CLTB: variants seen among roughly 807,000 people sequenced by gnomAD.
The protein encoded by CLTB is clathrin, light chain (Lcb).
Under a neutral mutation model 30.5 loss-of-function variants are expected in CLTB, and 10 were observed. The ratio of observed to expected loss-of-function variants is 0.33; its 90% CI spans 0.20 to 0.56. The LOEUF (loss-of-function observed/expected upper bound fraction) is 0.56, where lower values mean the gene tolerates loss of function less well. CLTB is among the 20% of genes least tolerant of loss of function. The pLI, the probability that CLTB is intolerant of heterozygous loss-of-function variation, is 0.91. For missense variants in CLTB, 261 were observed against 308.3 expected, an observed-to-expected ratio of 0.85 and a Z score of 1.15; for synonymous variants, 102 against 120.3, an observed-to-expected ratio of 0.85 and a Z score of 1.00.
rs1266056358 is a variant in CLTB, at chr5:176,392,912, C to T, written c.552G>A (p.Lys184=). The T allele has an allele frequency of 6.2e-7, 1 of 1,614,134 alleles. No individual in the cohort carries two copies. The highest frequency in any genetic ancestry group is 1.1e-5 in the South Asian group (1 of 91,086). The change falls in exon 6 of 6, where the codon AAG becomes AAA. Residue 184 remains lysine, a synonymous_variant. Coordinates refer to ENST00000310418, the MANE Select transcript of CLTB (RefSeq NM_007097.5). The surrounding 1 kb of genome is among the most constrained non-coding windows in gnomAD (Gnocchi z 5.2). ...CCCACTCTGTGCCTGGGGTCTCCTCCTTGGATTCCTTCACGAAAGCCTCCT... is the reference window on the plus strand; with the variant it reads ...CCCACTCTGTGCCTGGGGTCTCCTCTTTGGATTCCTTCACGAAAGCCTCCT... ...ASEEAFVKES[K]EETPGTEWEK...
In CLTB at chr5:176,392,975, A is replaced by G; in HGVS notation, c.519-30T>C. The G allele has an allele frequency of 1.2e-6, 2 of 1,613,358 alleles. No individual in the cohort carries two copies. The highest frequency in any genetic ancestry group is 8.5e-7 in the Non-Finnish European group (1 of 1,179,508). ...GGGTGGAGATAGGACGGGCTTTTAT[A>G]GCAGTCTGCTTTCCCCCAGCCTTGC... On this transcript the variant is annotated intron_variant, in intron 5 of 5. Transcript: ENST00000310418. The surrounding 1 kb of genome is among the most constrained non-coding windows in gnomAD (Gnocchi z 5.2).
At chr5:176,403,516 G>A (rs1429850601) in intron 2 of CLTB, among the ~76,000 whole-genome samples, 1 of 150,962 alleles carries the variant, frequency 6.6e-6, no homozygotes, top group Non-Finnish European at 1.5e-5. Flanking sequence ...GTGCAGTGAC[G>A]TGATCTCGGC....
chr5:176,405,504 A>G (rs947193212), intron 2 of CLTB: 18 of 149,628 alleles, frequency 1.2e-4, no homozygotes, highest in African/African-American at 2.5e-4. Context: ...AAAAAAAAAA[A>G]AAAAGAAAAA....
intron 2 of CLTB, among the ~76,000 whole-genome samples, chr5:176,403,557 C>T (rs1175797829): frequency 1.3e-5 from 2 of 151,152 alleles, no homozygotes; most frequent in African/African-American, 4.9e-5. Flanking sequence ...CGGGTTCAAG[C>T]AATTCTCCTC....
chr5:176,392,816 G>T lies in CLTB; in HGVS notation c.648C>A (p.Arg216=). The part of the protein sequence containing the change: ...SKQCKDVSRL[R]SVLMSLKQTP... ...TCTGCTTCAGGGACATGAGCACCGA[G>T]CGCAGGCGGGACACATCTTTGCACT... Residue 216 remains arginine, a synonymous_variant, in exon 6 of 6, where the codon CGC becomes CGA. Coordinates refer to ENST00000310418, the MANE Select transcript of CLTB (RefSeq NM_007097.5). This position sits in a 1 kb window ranked among gnomAD's most constrained non-coding sequence, Gnocchi z 5.2. 6.2e-7 allele frequency: 1 copy of T among 1,614,256 alleles called. No homozygotes were observed. Among genetic ancestry groups the T allele is most frequent in the South Asian group, 1.1e-5 (1 of 91,086 alleles).
intron 1 of CLTB, among the ~76,000 whole-genome samples, chr5:176,411,071 G>A (rs960343487): frequency 6.6e-6 from 1 of 152,234 alleles, no homozygotes; most frequent in African/African-American, 2.4e-5. Context: ...AAACACCTGG[G>A]AAGACATAAC....
intron 5 of CLTB, among the ~76,000 whole-genome samples, chr5:176,394,970 T>C (rs1356574372): frequency 2.0e-5 from 3 of 152,242 alleles, no homozygotes; most frequent in East Asian, 3.9e-4. Flanking sequence ...CATCCCTTGC[T>C]GGAAGCCTCC....
chr5:176,412,174 C>CAAA (rs546824950), intron 1 of CLTB, among the ~76,000 whole-genome samples: 4 of 82,376 alleles, frequency 4.9e-5, no homozygotes, highest in Admixed American at 1.3e-4. Flanking sequence ...AGACTCATCT[C>CAAA]AAAAAAAAAA....
chr5:176,411,759 T>G (rs1757434968), intron 1 of CLTB, among the ~76,000 whole-genome samples: 1 of 152,176 alleles, frequency 6.6e-6, no homozygotes, highest in African/African-American at 2.4e-5. Flanking sequence ...CTCTACAATC[T>G]GGCCCTGCCC....
intron 2 of CLTB, chr5:176,401,870 T>C: frequency 2.3e-6 from 1 of 429,672 alleles, no homozygotes; most frequent in South Asian, 1.7e-5. Flanking sequence ...GTCATCACAA[T>C]CTCTAAAACT....
In CLTB at chr5:176,416,321, C is replaced by T; in HGVS notation, c.43G>A (p.Ala15Thr). ...FGFFSSSESG[A>T]PEAAEEDPAA... ...GGGTCCTCCTCCGCCGCCTCCGGGG[C>T]ACCGCTCTCCGACGACGAGAAGAAG... Residue 15 changes from alanine to threonine, a missense_variant, in exon 1 of 6, where the codon GCC becomes ACC. This residue lies in a region of CLTB where 113 missense variants were observed against 102.5 expected (regional missense o/e 1.10). Transcript: ENST00000310418. 1.2e-6 allele frequency: 2 copies of T among 1,602,926 alleles called. No homozygotes were observed. The highest frequency in any genetic ancestry group is 1.7e-6 in the Non-Finnish European group (2 of 1,176,390).
chr5:176,398,101 T>G, intron 2 of CLTB, 54 bp from the exon 3 acceptor site: 1 of 1,528,410 alleles, frequency 6.5e-7, no homozygotes, highest in Non-Finnish European at 9.1e-7. Context: ...CCCCGCTGTC[T>G]CTGCTGCCCC....
chr5:176,406,482 A>G, intron 2 of CLTB: 1 of 1,198,150 alleles, frequency 8.3e-7, no homozygotes, highest in Non-Finnish European at 1.1e-6. Context: ...AGCTAAATCT[A>G]AGCTAAGCTG....
chr5:176,407,757 C>A (rs1267646656), intron 2 of CLTB, among the ~76,000 whole-genome samples: 3 of 152,194 alleles, frequency 2.0e-5, no homozygotes, highest in African/African-American at 7.2e-5. Context: ...AGAAGCAAAT[C>A]CTCATTCTTT....
intron 2 of CLTB, among the ~76,000 whole-genome samples, chr5:176,400,166 C>A (rs1345540668): frequency 6.7e-6 from 1 of 149,548 alleles, no homozygotes. Context: ...CATTGCACTC[C>A]AGCCTGGGCA....
chr5:176,400,108 T>C (rs542715747), intron 2 of CLTB, among the ~76,000 whole-genome samples: 105 of 149,608 alleles, frequency 7.0e-4, no homozygotes, highest in Admixed American at 3.4e-3. Context: ...CAAGAATCAC[T>C]TGAATCCGGG....
chr5:176,412,045 A>AGGG (rs1757460674), intron 1 of CLTB, among the ~76,000 whole-genome samples: 1 of 151,892 alleles, frequency 6.6e-6, no homozygotes, highest in Non-Finnish European at 1.5e-5. Context: ...GCGTGGTGGC[A>AGGG]GGCGCCTGTA....
At chr5:176,400,922 G>A (rs138472596) in intron 2 of CLTB, among the ~76,000 whole-genome samples, 1 of 152,180 alleles carries the variant, frequency 6.6e-6, no homozygotes, top group Non-Finnish European at 1.5e-5. Flanking sequence ...CACATAGATG[G>A]AACATCAGGG....
chr5:176,410,203 T>C (rs924194518), intron 2 of CLTB, 54 bp downstream of exon 2: 113 of 1,495,546 alleles, frequency 7.6e-5, no homozygotes, highest in Non-Finnish European at 1.0e-4. Flanking sequence ...GGCTTTAGGT[T>C]ACTGAGACCA....
Sources: allele counts gnomAD v4.1 joint callset (sites outside exome capture counted in the v4.1 genomes callset), GRCh38; gene constraint gnomAD v4.1.1; regional missense constraint gnomAD v4.1.1; non-coding constraint Gnocchi (gnomAD v3.1); transcripts MANE v1.5; gene names NCBI Gene and HGNC (gene_info 2026-07-23, HGNC 2026-07-21).